The following KLRG1 variants were observed in gnomAD, a reference collection of about 807,000 sequenced individuals.
KLRG1 encodes the protein killer cell lectin-like receptor subfamily G member 1.
In KLRG1, 16 loss-of-function variants were observed where a neutral mutation model predicts 21.8. The ratio of observed to expected loss-of-function variants is 0.73; its 90% CI spans 0.50 to 1.11. The LOEUF (loss-of-function observed/expected upper bound fraction) is 1.11, where lower values mean the gene tolerates loss of function less well. Among genes scored for constraint, KLRG1 ranks in the 50% most tolerant of loss-of-function variants. The probability of loss-of-function intolerance (pLI) is 0.00; values close to 1 mark genes in which losing one functional copy is unlikely to be tolerated. For synonymous variants in KLRG1, 69 were observed against 75.9 expected (o/e 0.91, Z 0.47); for missense variants, 173 against 218.3 (o/e 0.79, Z 1.31).
the KLRG1 span, among the ~76,000 whole-genome samples, chr12:9,121,686 A>C: frequency 1.3e-5 from 2 of 152,256 alleles, no homozygotes; most frequent in Admixed American, 1.3e-4. The surrounding 1 kb of genome is among the most constrained non-coding windows in gnomAD (Gnocchi z 4.4). Flanking sequence ...TTTGCTACAG[A>C]GGAATTAGTG....
the KLRG1 span, among the ~76,000 whole-genome samples, chr12:9,061,348 C>T: frequency 1.3e-5 from 2 of 152,108 alleles, no homozygotes; most frequent in African/African-American, 4.8e-5. Flanking sequence ...TGGTCTTGCA[C>T]TCCTGGCCTC....
At chr12:9,142,374 T>C in the KLRG1 span, among the ~76,000 whole-genome samples, 1 of 152,230 alleles carries the variant, frequency 6.6e-6, no homozygotes, top group Non-Finnish European at 1.5e-5. Flanking sequence ...GTAGTCTCTA[T>C]GCCAAATTTT....
chr12:9,003,614 T>G (rs1947370078), intron 3 of KLRG1, among the ~76,000 whole-genome samples: 1 of 152,104 alleles, frequency 6.6e-6, no homozygotes, highest in Admixed American at 6.5e-5. Context: ...CGGTCTACCT[T>G]CTTACCCCCA....
the KLRG1 span, chr12:9,101,473 GC>G: frequency 1.2e-6 from 2 of 1,613,758 alleles, no homozygotes; most frequent in Non-Finnish European, 1.7e-6. Context: ...AGCTTCTTCA[GC>G]CCCAGCAGGG....
chr12:9,158,130 T>G, the KLRG1 span, among the ~76,000 whole-genome samples: 1 of 152,126 alleles, frequency 6.6e-6, no homozygotes, highest in Non-Finnish European at 1.5e-5. Flanking sequence ...TTGTAAAATG[T>G]TTTTTGTAGA....
chr12:9,118,101 A>T, the KLRG1 span, among the ~76,000 whole-genome samples: 1 of 152,240 alleles, frequency 6.6e-6, no homozygotes, highest in African/African-American at 2.4e-5. Flanking sequence ...ATAATAAAAA[A>T]TACAGTGTAT....
chr12:9,100,964 T>A, the KLRG1 span, among the ~76,000 whole-genome samples: 5 of 152,244 alleles, frequency 3.3e-5, no homozygotes, highest in East Asian at 9.7e-4. Flanking sequence ...ACTGCTCGGG[T>A]GATGGGTGCA....
chr12:8,953,157 G>T (rs991067769), intron 1 of KLRG1, among the ~76,000 whole-genome samples: 3 of 152,086 alleles, frequency 2.0e-5, no homozygotes, highest in African/African-American at 7.2e-5. Flanking sequence ...GAAGAATGAG[G>T]ATATGCTGAC....
the KLRG1 span, chr12:9,163,902 A>AT: frequency 7.3e-7 from 1 of 1,364,302 alleles, no homozygotes. Context: ...CTAAAAAAAA[A>AT]GAAACCCACA....
chr12:9,093,554 A>G, the KLRG1 span: 2 of 1,609,612 alleles, frequency 1.2e-6, no homozygotes, highest in South Asian at 1.1e-5. Flanking sequence ...CCAGGCGTGC[A>G]TGGCCTCTTC....
At chr12:8,961,350 A>G (rs2137216570) in intron 1 of KLRG1, among the ~76,000 whole-genome samples, 2 of 152,344 alleles carry the variant, frequency 1.3e-5, no homozygotes, top group East Asian at 3.9e-4. Context: ...AACAGGCCTC[A>G]AAAGGATCAA....
the KLRG1 span, among the ~76,000 whole-genome samples, chr12:9,085,712 A>G: frequency 6.6e-6 from 1 of 152,062 alleles, no homozygotes; most frequent in Admixed American, 6.6e-5. Flanking sequence ...GATCAATGAA[A>G]CTGAATTGTT....
intron 1 of KLRG1, among the ~76,000 whole-genome samples, chr12:8,954,311 C>T (rs1008483452): frequency 3.3e-5 from 5 of 151,454 alleles, no homozygotes; most frequent in Admixed American, 6.6e-5. Flanking sequence ...TCAAAAGGTA[C>T]GAAGTTGCGG....
chr12:9,073,060 C>A, the KLRG1 span, among the ~76,000 whole-genome samples: 1 of 151,970 alleles, frequency 6.6e-6, no homozygotes, highest in Non-Finnish European at 1.5e-5. Context: ...CACATATCTA[C>A]CTTGGACTGT....
the KLRG1 span, among the ~76,000 whole-genome samples, chr12:9,059,532 A>C: frequency 6.6e-6 from 1 of 152,224 alleles, no homozygotes; most frequent in Non-Finnish European, 1.5e-5. Flanking sequence ...CCAGATATCA[A>C]CTTGGATACA....
chr12:9,137,482 T>A, the KLRG1 span, among the ~76,000 whole-genome samples: 1 of 152,158 alleles, frequency 6.6e-6, no homozygotes, highest in Non-Finnish European at 1.5e-5. Context: ...TTCTTCTTCT[T>A]TCTCAAGATT....
At chr12:9,078,344 T>G in the KLRG1 span, among the ~76,000 whole-genome samples, 58 of 152,346 alleles carry the variant, frequency 3.8e-4, no homozygotes, top group African/African-American at 1.4e-3. Context: ...TCCAGCTTCA[T>G]CCATGTCCCT....
chr12:9,005,203 G>A (rs1338808899), intron 3 of KLRG1, among the ~76,000 whole-genome samples: 3 of 151,992 alleles, frequency 2.0e-5, no homozygotes, highest in South Asian at 2.1e-4. Context: ...GGGCCTGTCG[G>A]GGGGTGGGGG....
At chr12:9,105,712 C>T in the KLRG1 span, among the ~76,000 whole-genome samples, 1 of 152,114 alleles carries the variant, frequency 6.6e-6, no homozygotes, top group Non-Finnish European at 1.5e-5. Context: ...ACCCCATGTT[C>T]ACTGTTTTAG....
Sources: gnomAD v4.1 joint callset for allele counts (sites outside exome capture counted in the v4.1 genomes callset) on GRCh38, gnomAD v4.1.1 for gene constraint, Gnocchi (gnomAD v3.1) non-coding constraint, MANE v1.5 for transcripts, NCBI Gene and HGNC (gene_info 2026-07-23, HGNC 2026-07-21) for gene names.